The following HTT variants were observed in gnomAD, a reference collection of about 807,000 sequenced individuals.
The protein encoded by HTT is huntington disease protein.
HTT carries 104 observed loss-of-function variants against 362.3 expected under a neutral mutation model. The ratio of observed to expected loss-of-function variants is 0.29; its 90% CI spans 0.24 to 0.34. The LOEUF is 0.34. Ranked by LOEUF, HTT falls within the 10% of genes least tolerant of loss-of-function variation. The pLI, the probability that HTT is intolerant of heterozygous loss-of-function variation, is 1.00. For synonymous variants in HTT, 1,577 were observed against 1,548.7 expected (o/e 1.02, Z -0.43); for missense variants, 3,301 against 3,928.6 (o/e 0.84, Z 4.27).
intron 24 of HTT, 96 bp downstream of exon 24, chr4:3,145,324 T>C (rs1716547883): frequency 3.2e-6 from 3 of 937,622 alleles, no homozygotes; most frequent in Non-Finnish European, 5.1e-6. Flanking sequence ...TTTAAGTCTT[T>C]TATCAATTTG....
Position 3,127,583 on chromosome 4 carries a change from C to T in HTT, c.1722C>T (p.Thr574=). Residue 574 remains threonine (T), a synonymous_variant, in exon 12 of 67, where the codon ACC becomes ACT. Transcript: ENST00000355072. ...TTTEGPDSAV[T]PSDSSEIVLD... ...CCGAAGGGCCTGATTCAGCTGTTAC[C>T]CCTTCAGACAGTTCTGAAATTGTAA... The T allele has an allele frequency of 6.2e-7, 1 of 1,611,566 alleles. No individual in the cohort carries two copies. The highest frequency in any genetic ancestry group is 8.5e-7 in the Non-Finnish European group (1 of 1,177,878).
At chr4:3,174,531 T>G (rs1718141755) in intron 31 of HTT, among the ~76,000 whole-genome samples, 190 bp from the exon 32 acceptor site, 1 of 152,212 alleles carries the variant, frequency 6.6e-6, no homozygotes, top group Admixed American at 6.5e-5. Context: ...AGCTGTAAAC[T>G]CTAAATAGAG....
chr4:3,127,068 A>G (rs1171475166), intron 11 of HTT, among the ~76,000 whole-genome samples, 196 bp from the exon 12 acceptor site: 2 of 152,196 alleles, frequency 1.3e-5, no homozygotes, highest in African/African-American at 2.4e-5. Flanking sequence ...TTATTTTATA[A>G]GGTGGGTACT....
chr4:3,144,142 A>G (rs1285285363), intron 23 of HTT, among the ~76,000 whole-genome samples: 2 of 152,124 alleles, frequency 1.3e-5, no homozygotes, highest in African/African-American at 4.8e-5. Context: ...ACATATATAC[A>G]TTTCTCACAC....
At chr4:3,185,403 A>G (rs1442216868) in intron 37 of HTT, among the ~76,000 whole-genome samples, 3 of 152,154 alleles carry the variant, frequency 2.0e-5, no homozygotes, top group African/African-American at 7.2e-5. Context: ...CTGGAGCTCA[A>G]GTCAGTTGTT....
At chr4:3,225,599 G>T in intron 56 of HTT, 62 bp from the exon 57 acceptor site, 1 of 1,464,686 alleles carries the variant, frequency 6.8e-7, no homozygotes, top group Non-Finnish European at 9.5e-7. Context: ...GGGCTGGTAT[G>T]GGGTGGGCCT....
At position 3,173,144 on chromosome 4, in the gene HTT, G is replaced by A; in HGVS notation, c.4166+13G>A. 1 of 1,605,510 alleles carries A rather than the reference G, an allele frequency of 6.2e-7. No homozygotes were observed. Among genetic ancestry groups the A allele is most frequent in the Non-Finnish European group, 8.5e-7 (1 of 1,172,890 alleles). On this transcript the variant is annotated intron_variant, in intron 31 of 66. Transcript: ENST00000355072. ...ACGACACCTCGGGGTAACAGTTGTGGCAAGAATGCTGTCGTTGGTGGAAGC... is the reference window on the plus strand; with the variant it reads ...ACGACACCTCGGGGTAACAGTTGTGACAAGAATGCTGTCGTTGGTGGAAGC...
intron 61 of HTT, among the ~76,000 whole-genome samples, chr4:3,233,852 C>A (rs1721385158): frequency 6.6e-6 from 1 of 152,236 alleles, no homozygotes; most frequent in Non-Finnish European, 1.5e-5. Context: ...GCAAGTCAAG[C>A]TCTTCACAGC....
rs769069422 is a variant in HTT at position 3,204,078 on chromosome 4, C to T, written c.5648C>T (p.Ala1883Val). ...GGAGAAGAGGAGGATTCTGACTTGG[C>T]AGCCAAACTTGGAATGTGCAATAGA... ...MSGEEEDSDL[A>V]AKLGMCNREI... The change falls in exon 42 of 67, where the codon GCA (alanine) becomes GTA (valine). Residue 1883 changes from alanine (A) to valine (V), a missense_variant. Ala to Val is a moderately conservative substitution (Grantham distance 64). Around this residue, in one of 4 missense-constraint regions of HTT, gnomAD observed 2,316 missense variants for 2,658.5 expected, o/e 0.87. Coordinates refer to ENST00000355072, the MANE Select transcript of HTT (RefSeq NM_001388492.1). 1.2e-6 allele frequency: 2 copies of T among 1,613,990 alleles called. No homozygotes were observed. Among genetic ancestry groups the T allele is most frequent in the Non-Finnish European group, 1.7e-6 (2 of 1,179,836 alleles).
intron 6 of HTT, 29 bp from the exon 7 acceptor site, chr4:3,115,275 T>C: frequency 6.2e-7 from 1 of 1,605,310 alleles, no homozygotes; most frequent in Non-Finnish European, 8.5e-7. Flanking sequence ...AGCTTCATCT[T>C]TTATCTACTT....
intron 33 of HTT, among the ~76,000 whole-genome samples, chr4:3,176,398 T>G (rs191661640): frequency 5.3e-5 from 8 of 152,314 alleles, no homozygotes; most frequent in Admixed American, 5.2e-4. Flanking sequence ...CATCTTTCTT[T>G]CACAAAACCT....
intron 9 of HTT, 81 bp downstream of exon 9, chr4:3,121,513 G>A (rs1052415440): frequency 1.1e-6 from 1 of 879,030 alleles, no homozygotes; most frequent in Non-Finnish European, 1.8e-6. Context: ...GGCCTGCCCT[G>A]TGCTAAGCAG....
chr4:3,075,004 CGCT>C lies in HTT; in HGVS notation c.185_187del (p.Leu62del). On this transcript the variant is annotated inframe_deletion, in exon 1 of 67. Transcript: ENST00000355072. ...CCTCAGCCGCCGCCGCAGGCACAGC[CGCT>C]GCTGCCTCAGCCGCAGCCGCCCCCG... 1.4e-6 allele frequency: 2 copies of C among 1,431,044 alleles called. No individual in the cohort carries two copies. The highest frequency in any genetic ancestry group is 1.8e-6 in the Non-Finnish European group (2 of 1,091,862). 88.6% of individuals were successfully genotyped at this position (1,431,044 alleles called of 1,614,324 possible). A position where few individuals can be genotyped will look rare whatever the true frequency, so the allele number is the denominator to read the frequency against.
At chr4:3,178,568 G>T in intron 35 of HTT, 122 bp downstream of exon 35, 2 of 801,766 alleles carry the variant, frequency 2.5e-6, no homozygotes, top group Non-Finnish European at 4.1e-6. Context: ...CTCTGCATGT[G>T]TGTCTGTGTA....
At chr4:3,156,882 A>C (rs542250301) in intron 27 of HTT, among the ~76,000 whole-genome samples, 190 bp from the exon 28 acceptor site, 1 of 152,336 alleles carries the variant, frequency 6.6e-6, no homozygotes, top group Admixed American at 6.5e-5. Context: ...GTTATTTAAA[A>C]AGTACTTAGG....
chr4:3,227,193 C>T (rs1720962455), intron 57 of HTT, among the ~76,000 whole-genome samples: 1 of 152,250 alleles, frequency 6.6e-6, no homozygotes, highest in Non-Finnish European at 1.5e-5. Context: ...TGGGATCATA[C>T]TGGGGCTGAA....
chr4:3,113,751 G>T (rs1271634793), intron 6 of HTT, among the ~76,000 whole-genome samples: 1 of 152,146 alleles, frequency 6.6e-6, no homozygotes, highest in African/African-American at 2.4e-5. Context: ...GCCACTGGGG[G>T]AGTCCTGTGG....
intron 47 of HTT, among the ~76,000 whole-genome samples, chr4:3,210,394 T>G (rs1720095641): frequency 6.6e-6 from 1 of 152,206 alleles, no homozygotes. Flanking sequence ...ATGCGTGACG[T>G]CAATAACTTG....
Position 3,177,364 on chromosome 4 carries a change from A to G in HTT, c.4440A>G (p.Glu1480=). The G allele has an allele frequency of 1.9e-6, 3 of 1,601,246 alleles. No individual in the cohort carries two copies. Among genetic ancestry groups the G allele is most frequent in the Non-Finnish European group, 2.6e-6 (3 of 1,175,452 alleles). ...VFIGFVLKQF[E]YIEVGQFRES... ...TTGGCTTTGTATTGAAACAGTTTGA[A>G]TACATTGAAGTGGGCCAGTTCAGGT... The change falls in exon 34 of 67, where the codon GAA becomes GAG. Residue 1480 remains glutamate (E), a synonymous_variant. Transcript: ENST00000355072.
Sources: allele counts gnomAD v4.1 joint callset (sites outside exome capture counted in the v4.1 genomes callset), GRCh38; gene constraint gnomAD v4.1.1; regional missense constraint gnomAD v4.1.1; transcripts MANE v1.5; gene names NCBI Gene and HGNC (gene_info 2026-07-23, HGNC 2026-07-21).